The following ITSN1 variants were observed in gnomAD, a reference collection of about 807,000 sequenced individuals.
ITSN1 encodes the protein intersectin 1.
A neutral mutation model predicts 239.8 loss-of-function variants in ITSN1; 58 were observed. The observed-to-expected ratio is 0.24, with a 90% CI of 0.20 to 0.30. The LOEUF is 0.30. Ranked by LOEUF, ITSN1 falls within the 10% of genes least tolerant of loss-of-function variation. The pLI, the probability that ITSN1 is intolerant of heterozygous loss-of-function variation, is 1.00. For missense variants in ITSN1, 1,558 were observed against 2,103.3 expected (o/e 0.74, Z 5.07); for synonymous variants, 780 against 770.8 (o/e 1.01, Z -0.20).
rs571819509 is a variant in ITSN1 at position 33,725,912 on chromosome 21, C to T, written c.185+3261C>T. On this transcript the variant is annotated intron_variant, in intron 4 of 39. Transcript: ENST00000381318. ...TATGAGTTTAGCAAGATCTGCCTTTCAACTGAGCTGATTTGATACTTATTC... is the reference window on the plus strand; with the variant it reads ...TATGAGTTTAGCAAGATCTGCCTTTTAACTGAGCTGATTTGATACTTATTC... Among the ~76,000 whole-genome samples the T allele has an allele frequency of 2.0e-5, 3 of 152,300 alleles. No homozygotes were observed. In the South Asian group the frequency reaches 6.2e-4, roughly 32 times the overall value.
At chr21:33,750,362 C>G in intron 6 of ITSN1, 40 bp downstream of exon 6, 1 of 1,560,130 alleles carries the variant, frequency 6.4e-7, no homozygotes, top group Non-Finnish European at 8.8e-7. Flanking sequence ...GTTTTTACTA[C>G]TTGTATTTTG....
At chr21:33,734,978 A>G in intron 4 of ITSN1, 66 bp from the exon 5 acceptor site, 1 of 1,365,226 alleles carries the variant, frequency 7.3e-7, no homozygotes, top group Non-Finnish European at 1.0e-6. Context: ...TGTTGGTGGG[A>G]GTGGTGGTTT....
chr21:33,731,058 GT>G (rs1178625213), intron 4 of ITSN1, among the ~76,000 whole-genome samples: 2 of 152,202 alleles, frequency 1.3e-5, no homozygotes, highest in African/African-American at 2.4e-5. Flanking sequence ...CCACAGTTAT[GT>G]TTATTGAGAA....
In ITSN1 at chr21:33,736,532, C is replaced by T. The variant is rs117403606; in HGVS notation, c.346+1328C>T. Reference sequence around the variant, plus strand: ...CGAGGAAGAGCAGAAGTGAACACTGCAGCAGCCTCCACATGACTGGGGCCG... The same window carrying T: ...CGAGGAAGAGCAGAAGTGAACACTGTAGCAGCCTCCACATGACTGGGGCCG... On this transcript the variant is annotated intron_variant, in intron 5 of 39. Transcript: ENST00000381318. 6.0e-4 allele frequency among the ~76,000 whole-genome samples: 92 copies of T among 152,352 alleles called. 2 individuals carry two copies. The East Asian group carries it at 0.015, about 26-fold the overall frequency.
chr21:33,890,901 C>G lies in ITSN1; in HGVS notation c.*2601C>G, dbSNP rs888970078. ...CGTTCCTCTGCTCTGAGCCACACTG[C>G]TAGCTTCTCCTGCACACTCTGATCT... On this transcript the variant is annotated 3_prime_UTR_variant, in exon 40 of 40. Coordinates refer to ENST00000381318, the MANE Select transcript of ITSN1 (RefSeq NM_003024.3). The G allele has an allele frequency of 6.5e-6, 1 of 152,716 alleles. No homozygotes were observed. Among genetic ancestry groups the G allele is most frequent in the African/African-American group, 2.4e-5 (1 of 41,462 alleles). The allele number at this position is 152,716 out of a possible 1,614,324, so 9.5% of individuals were successfully genotyped here.
At chr21:33,802,609 C>T (rs887080557) in intron 20 of ITSN1, among the ~76,000 whole-genome samples, 165 bp downstream of exon 20, 1 of 151,882 alleles carries the variant, frequency 6.6e-6, no homozygotes, top group African/African-American at 2.4e-5. Flanking sequence ...AAAAGTAAGT[C>T]GTAAGTCTTC....
At chr21:33,662,252 C>T (rs991866195) in intron 1 of ITSN1, among the ~76,000 whole-genome samples, 4 of 152,200 alleles carry the variant, frequency 2.6e-5, no homozygotes, top group Middle Eastern at 3.4e-3. Flanking sequence ...CCGTACCTGC[C>T]GCAGCTATGA....
intron 1 of ITSN1, among the ~76,000 whole-genome samples, chr21:33,713,782 AG>A (rs1215622208): frequency 6.6e-6 from 1 of 150,896 alleles, no homozygotes; most frequent in Non-Finnish European, 1.5e-5. Context: ...GGCATTGGAA[AG>A]ACCTGTGGTT....
At chr21:33,810,935 G>T (rs771499230) in intron 20 of ITSN1, 40 bp from the exon 21 acceptor site, 1 of 1,613,884 alleles carries the variant, frequency 6.2e-7, no homozygotes, top group Admixed American at 1.7e-5. Flanking sequence ...CTATTCAGGG[G>T]TTAATTTAGT....
chr21:33,829,716 C>T lies in ITSN1; in HGVS notation c.3322C>T (p.Pro1108Ser). 6.2e-7 allele frequency: 1 copy of T among 1,613,638 alleles called. No homozygotes were observed. The highest frequency in any genetic ancestry group is 8.5e-7 in the Non-Finnish European group (1 of 1,179,998). The change falls in exon 27 of 40, where the codon CCA becomes TCA. Residue 1108 changes from proline (P) to serine (S), a missense_variant. Physicochemically the swap from Pro to Ser is moderately conservative, Grantham distance 74 (BLOSUM62 -1). Transcript: ENST00000381318. ...GQLILIRKKN[P>S]GGWWEGELQA... ...GCTGATTTTGATCCGAAAAAAGAAC[C>T]CAGGTGGATGGTGGGAAGGAGAGCT...
At chr21:33,683,409 G>C (rs1390267577) in intron 1 of ITSN1, among the ~76,000 whole-genome samples, 1 of 152,196 alleles carries the variant, frequency 6.6e-6, no homozygotes, top group Non-Finnish European at 1.5e-5. Flanking sequence ...ATCAGAGGTT[G>C]AAGCATTTTT....
rs1486146523 is a variant in ITSN1, at chr21:33,898,720, G to T, written c.*10420G>T. On this transcript the variant is annotated 3_prime_UTR_variant, in exon 40 of 40. Coordinates refer to ENST00000381318, the MANE Select transcript of ITSN1 (RefSeq NM_003024.3). ...AGGTTGAGGGCCTGTGGTCTGAAAA[G>T]ACATCTGAAGAATGTGTTAGGTTTT... The T allele has an allele frequency of 6.6e-6, 1 of 152,240 alleles. No homozygotes were observed. Among genetic ancestry groups the T allele is most frequent in the Admixed American group, 6.5e-5 (1 of 15,280 alleles). 9.4% of individuals were successfully genotyped at this position (152,240 alleles called of 1,614,324 possible). A position where few individuals can be genotyped will look rare whatever the true frequency, so the allele number is the denominator to read the frequency against.
At chr21:33,766,919 G>T (rs567773769) in intron 10 of ITSN1, among the ~76,000 whole-genome samples, 5 of 152,352 alleles carry the variant, frequency 3.3e-5, no homozygotes, top group African/African-American at 1.2e-4. Context: ...TGTAATCCCA[G>T]CACGTTGGGA....
intron 36 of ITSN1, 77 bp from the exon 37 acceptor site, chr21:33,884,964 G>A (rs1051714457): frequency 2.0e-6 from 2 of 1,009,038 alleles, no homozygotes; most frequent in Non-Finnish European, 3.1e-6. Context: ...ACAGAGTCCT[G>A]GCAACAGTGT....
intron 2 of ITSN1, 36 bp from the exon 3 acceptor site, chr21:33,721,142 A>G (rs1300945370): frequency 3.5e-6 from 5 of 1,416,484 alleles, no homozygotes; most frequent in Non-Finnish European, 5.0e-6. Flanking sequence ...TCCTTTTCTC[A>G]CTGAATAATT....
At chr21:33,670,533 A>G in intron 1 of ITSN1, among the ~76,000 whole-genome samples, 1 of 151,886 alleles carries the variant, frequency 6.6e-6, no homozygotes, top group Non-Finnish European at 1.5e-5. Context: ...AAGAGTGGCC[A>G]TCGTTCACTT....
chr21:33,752,890 G>A (rs1166336560), intron 7 of ITSN1, among the ~76,000 whole-genome samples: 1 of 151,480 alleles, frequency 6.6e-6, no homozygotes, highest in Non-Finnish European at 1.5e-5. Flanking sequence ...AAATTGTTAA[G>A]TGAATCAAGT....
intron 1 of ITSN1, among the ~76,000 whole-genome samples, chr21:33,647,877 G>T (rs543703484): frequency 6.6e-6 from 1 of 152,192 alleles, no homozygotes; most frequent in Non-Finnish European, 1.5e-5. Context: ...TTATAACCCT[G>T]CAGTGACTGT....
In ITSN1 at chr21:33,802,965, G is replaced by A. The variant is rs112141586; in HGVS notation, c.2319+521G>A. Among the ~76,000 whole-genome samples, 1,098 of 152,284 alleles carry A rather than the reference G, an allele frequency of 7.2e-3. 13 individuals carry two copies. Among genetic ancestry groups the A allele is most frequent in the African/African-American group, 0.025 (1,045 of 41,554 alleles). On this transcript the variant is annotated intron_variant, in intron 20 of 39. Coordinates refer to ENST00000381318, the MANE Select transcript of ITSN1 (RefSeq NM_003024.3). ...GTTACCCCTGTTACATAAAGATTCC[G>A]AACAGTTCACTTTGAAAGACACCCA...
Sources: allele counts gnomAD v4.1 joint callset (sites outside exome capture counted in the v4.1 genomes callset), GRCh38; gene constraint gnomAD v4.1.1; transcripts MANE v1.5; gene names NCBI Gene and HGNC (gene_info 2026-07-23, HGNC 2026-07-21).